DGCR8: variants seen among roughly 807,000 people sequenced by gnomAD.
DGCR8 encodes the protein microprocessor complex subunit DGCR8.
Under a neutral mutation model 78.5 loss-of-function variants are expected in DGCR8, and 14 were observed. The observed-to-expected ratio is 0.18, with a 90% CI of 0.12 to 0.28. The LOEUF (loss-of-function observed/expected upper bound fraction) is 0.28. DGCR8 is among the 10% of genes least tolerant of loss of function. DGCR8 has a pLI of 1.00. For synonymous variants in DGCR8, 399 were observed against 402.4 expected (o/e 0.99, Z 0.10); for missense variants, 702 against 1,022.5 (o/e 0.69, Z 4.28).
At chr22:20,109,754 C>T (rs1304350045) in intron 13 of DGCR8, among the ~76,000 whole-genome samples, 1 of 152,198 alleles carries the variant, frequency 6.6e-6, no homozygotes, top group African/African-American at 2.4e-5. Context: ...TGTAACTGCA[C>T]CCAAAATTCT....
intron 1 of DGCR8, among the ~76,000 whole-genome samples, chr22:20,081,200 G>A (rs117653823): frequency 6.6e-6 from 1 of 152,208 alleles, no homozygotes; most frequent in Admixed American, 6.5e-5. Flanking sequence ...TCATACTGCC[G>A]CTGGGTTGGG....
At chr22:20,084,999 A>G (rs561064949) in intron 1 of DGCR8, 1 of 985,348 alleles carries the variant, frequency 1.0e-6, no homozygotes, top group Admixed American at 6.1e-5. Flanking sequence ...CCTCGGCTCC[A>G]GCTGTCTCTT....
intron 3 of DGCR8, among the ~76,000 whole-genome samples, chr22:20,088,399 GGCCTGGAT>G (rs1380364585): frequency 6.6e-6 from 1 of 152,160 alleles, no homozygotes; most frequent in Non-Finnish European, 1.5e-5. Flanking sequence ...CAGCCATTCT[GGCCTGGAT>G]GCCTGGATGT....
Position 20,111,773 on chromosome 22 carries a change from G to GC in DGCR8, c.*1667dup, listed in dbSNP as rs1276827696. On this transcript the variant is annotated 3_prime_UTR_variant, in exon 14 of 14. Transcript: ENST00000351989. Reference sequence around the variant, plus strand: ...ATCGTGCACACAGCCATGCTTCAAGGCCGGGGCAGGGGAGCCTGTGCTGAT... The same window carrying GC: ...ATCGTGCACACAGCCATGCTTCAAGGCCCGGGGCAGGGGAGCCTGTGCTGAT... 4.4e-6 allele frequency: 1 copy of GC among 225,378 alleles called. No individual in the cohort carries two copies. The highest frequency in any genetic ancestry group is 6.7e-5 in the Admixed American group (1 of 14,964). The allele number at this position is 225,378 out of a possible 1,614,324, so 14.0% of individuals were successfully genotyped here. A position where few individuals can be genotyped will look rare whatever the true frequency, so the allele number is the denominator to read the frequency against.
At chr22:20,108,775 C>CTGCCAGACCCTGTGCGCGCCTACCT in intron 12 of DGCR8, 115 bp from the exon 13 acceptor site, 1 of 202,652 alleles carries the variant, frequency 4.9e-6, no homozygotes, top group South Asian at 4.5e-5. Context: ...TGTTTCGTGT[C>CTGCCAGACCCTGTGCGCGCCTACCT]TGCCAGACCC....
At chr22:20,096,360 A>G in intron 9 of DGCR8, 1 of 862,222 alleles carries the variant, frequency 1.2e-6, no homozygotes, top group Non-Finnish European at 1.4e-6. Flanking sequence ...GGCAGAAGAA[A>G]ATTTTTGTAT....
chr22:20,100,779 C>T (rs1007275540), intron 9 of DGCR8: 1 of 985,248 alleles, frequency 1.0e-6, no homozygotes, highest in African/African-American at 1.7e-5. Flanking sequence ...GCTGTAGACT[C>T]CCCTGCCTGG....
In DGCR8 at chr22:20,106,324, C is replaced by T. The variant is rs568017392; in HGVS notation, c.1889+47C>T. 1.6e-4 allele frequency: 237 copies of T among 1,476,888 alleles called. 1 individual carries two copies. The highest frequency in any genetic ancestry group is 4.5e-4 in the Admixed American group (27 of 59,402). The allele number at this position is 1,476,888 out of a possible 1,614,324, so 91.5% of individuals were successfully genotyped here. A position where few individuals can be genotyped will look rare whatever the true frequency, so the allele number is the denominator to read the frequency against. The stretch of plus-strand genomic sequence containing the variant: ...CCCCATGAGTCAGGTCGGGGGAGCT[C>T]CTCTCTGGCGTCTCATATTCTTGTG... On this transcript the variant is annotated intron_variant, in intron 10 of 13. Coordinates refer to ENST00000351989, the MANE Select transcript of DGCR8 (RefSeq NM_022720.7).
Position 20,107,384 on chromosome 22 carries a change from A to G in DGCR8, c.2110A>G (p.Lys704Glu). 2 of 1,614,122 alleles carry G rather than the reference A, an allele frequency of 1.2e-6. No homozygotes were observed. The highest frequency in any genetic ancestry group is 1.7e-6 in the Non-Finnish European group (2 of 1,180,016). ...LLRMYGRESS[K>E]MVKQETSDKS... Reference sequence around the variant, plus strand: ...GCGCATGTATGGCCGTGAGAGCAGCAAGATGGTCAAGCAGGTAACTGGCCA... The same window carrying G: ...GCGCATGTATGGCCGTGAGAGCAGCGAGATGGTCAAGCAGGTAACTGGCCA... The change falls in exon 12 of 14, where the codon AAG becomes GAG. Residue 704 changes from lysine to glutamate, a missense_variant. This residue lies in a region of DGCR8 where 225 missense variants were observed against 427.7 expected (regional missense o/e 0.53). Coordinates refer to ENST00000351989, the MANE Select transcript of DGCR8 (RefSeq NM_022720.7).
At chr22:20,092,656 C>T (rs1272338061) in intron 7 of DGCR8, among the ~76,000 whole-genome samples, 153 bp from the exon 8 acceptor site, 1 of 152,168 alleles carries the variant, frequency 6.6e-6, no homozygotes. Context: ...CGTCTCCAGT[C>T]CCAGGGAGCC....
At chr22:20,104,846 C>CGAGGGCA (rs201756564) in intron 9 of DGCR8, among the ~76,000 whole-genome samples, 1 of 115,708 alleles carries the variant, frequency 8.6e-6, no homozygotes, top group Non-Finnish European at 2.2e-5. Flanking sequence ...GCTGGAGCGG[C>CGAGGGCA]GAGGGCAGAG....
At chr22:20,081,751 GTTAC>G (rs1470318563) in intron 1 of DGCR8, among the ~76,000 whole-genome samples, 1 of 152,148 alleles carries the variant, frequency 6.6e-6, no homozygotes, top group Non-Finnish European at 1.5e-5. Flanking sequence ...ATCTCCATGT[GTTAC>G]TTTGGCGCCA....
chr22:20,108,681 C>T, intron 12 of DGCR8: 1 of 425,438 alleles, frequency 2.4e-6, no homozygotes, highest in Non-Finnish European at 4.4e-6. Context: ...TATGGACTGC[C>T]CCTCGCTCTC....
At chr22:20,090,289 C>T in intron 5 of DGCR8, 31 bp downstream of exon 5, 1 of 1,553,798 alleles carries the variant, frequency 6.4e-7, no homozygotes, top group Non-Finnish European at 8.7e-7. Flanking sequence ...TCCCTTCTTG[C>T]CTCCTGGGAC....
chr22:20,081,189 G>T (rs1403158801), intron 1 of DGCR8, among the ~76,000 whole-genome samples: 1 of 152,252 alleles, frequency 6.6e-6, no homozygotes, highest in Non-Finnish European at 1.5e-5. Flanking sequence ...AACGGATGAG[G>T]TCATACTGCC....
chr22:20,085,105 C>T lies in DGCR8; in HGVS notation c.-277-582C>T. 1.1e-6 allele frequency: 1 copy of T among 897,030 alleles called. No individual in the cohort carries two copies. The highest frequency in any genetic ancestry group is 1.3e-6 in the Non-Finnish European group (1 of 749,072). The allele number at this position is 897,030 out of a possible 1,614,324, so 55.6% of individuals were successfully genotyped here. A position where few individuals can be genotyped will look rare whatever the true frequency, so the allele number is the denominator to read the frequency against. Reference sequence around the variant, plus strand: ...AGAACTATGCTGCCACCTCTGGTGACCTCAGCACGCTGCATCACTGTCCCC... The same window carrying T: ...AGAACTATGCTGCCACCTCTGGTGATCTCAGCACGCTGCATCACTGTCCCC... On this transcript the variant is annotated intron_variant, in intron 1 of 13. Transcript: ENST00000351989. The surrounding 1 kb of genome is among the most constrained non-coding windows in gnomAD (Gnocchi z 6.2).
Position 20,108,937 on chromosome 22 carries a change from G to A in DGCR8, c.2172G>A (p.Lys724=), listed in dbSNP as rs1429613454. The change falls in exon 13 of 14, where the codon AAG becomes AAA. Residue 724 remains lysine, a synonymous_variant. Transcript: ENST00000351989. ...TTGAGCTGCAGCAGTATGCCAAGAA[G>A]AACAAGCCCAACCTGCACATCCTCA... ...SVIELQQYAK[K]NKPNLHILSK... is the part of the protein sequence containing the mutation. 3.1e-6 allele frequency: 5 copies of A among 1,612,226 alleles called. No homozygotes were observed. In the African/African-American group the frequency reaches 5.3e-5, roughly 17 times the overall value.
intron 6 of DGCR8, 56 bp from the exon 7 acceptor site, chr22:20,091,811 CTG>C: frequency 6.5e-7 from 1 of 1,541,332 alleles, no homozygotes; most frequent in Admixed American, 1.7e-5. Flanking sequence ...TAACAGGAAG[CTG>C]TGTGCTAGCT....
At chr22:20,084,342 G>A (rs59088524) in intron 1 of DGCR8, among the ~76,000 whole-genome samples, 1 of 152,196 alleles carries the variant, frequency 6.6e-6, no homozygotes, top group African/African-American at 2.4e-5. Context: ...GCATGCATGC[G>A]TGTTCCTGTG....
Sources: allele counts gnomAD v4.1 joint callset (sites outside exome capture counted in the v4.1 genomes callset), GRCh38; gene constraint gnomAD v4.1.1; regional missense constraint gnomAD v4.1.1; non-coding constraint Gnocchi (gnomAD v3.1); transcripts MANE v1.5; gene names NCBI Gene and HGNC (gene_info 2026-07-23, HGNC 2026-07-21).